Variants in GTF2E2 observed in about 807,000 individuals in gnomAD.
The protein encoded by GTF2E2 is general transcription factor IIE subunit 2, also known as transcription initiation factor IIE subunit beta.
Under a neutral mutation model 40.5 loss-of-function variants are expected in GTF2E2, and 21 were observed. That is an observed-to-expected ratio of 0.52 (90% confidence interval 0.37 to 0.75). The LOEUF is 0.75. Ranked by LOEUF, GTF2E2 falls within the 30% of genes least tolerant of loss-of-function variation. The pLI is 0.00. For synonymous variants in GTF2E2, 117 were observed against 121.6 expected, an observed-to-expected ratio of 0.96 and a Z score of 0.25; for missense variants, 298 against 338.4, an observed-to-expected ratio of 0.88 and a Z score of 0.94.
At chr8:30,589,143 G>C (rs1828766289) in intron 6 of GTF2E2, among the ~76,000 whole-genome samples, 1 of 152,132 alleles carries the variant, frequency 6.6e-6, no homozygotes, top group African/African-American at 2.4e-5. Flanking sequence ...TGTAATCACA[G>C]CTACTCAGGA....
intron 3 of GTF2E2, among the ~76,000 whole-genome samples, chr8:30,620,682 G>C (rs1265582705): frequency 7.1e-6 from 1 of 140,816 alleles, no homozygotes; most frequent in Non-Finnish European, 1.5e-5. Flanking sequence ...CCCAGCACTT[G>C]GGGAGGCTGA....
At chr8:30,648,738 G>A (rs952695804) in intron 2 of GTF2E2, among the ~76,000 whole-genome samples, 2 of 152,204 alleles carry the variant, frequency 1.3e-5, no homozygotes, top group African/African-American at 2.4e-5. Context: ...CTGCCAGCCT[G>A]GGTCCTTGAG....
intron 5 of GTF2E2, among the ~76,000 whole-genome samples, chr8:30,612,001 A>G (rs1046665194): frequency 1.9e-4 from 29 of 152,222 alleles, no homozygotes; most frequent in Admixed American, 1.5e-3. Context: ...CTTATTTACA[A>G]ACAGAGCTTA....
intron 3 of GTF2E2, 66 bp from the exon 4 acceptor site, chr8:30,614,781 A>G: frequency 1.2e-6 from 1 of 837,496 alleles, no homozygotes; most frequent in Non-Finnish European, 2.0e-6. Context: ...AATCATAGTT[A>G]CATGTAAACA....
At chr8:30,590,528 A>G (rs1828815572) in intron 6 of GTF2E2, among the ~76,000 whole-genome samples, 1 of 152,192 alleles carries the variant, frequency 6.6e-6, no homozygotes, top group Non-Finnish European at 1.5e-5. Context: ...CCCACGTCTC[A>G]CACCATAAAC....
chr8:30,616,815 AAAGT>A (rs1800932461), intron 3 of GTF2E2, among the ~76,000 whole-genome samples: 1 of 152,186 alleles, frequency 6.6e-6, no homozygotes, highest in Non-Finnish European at 1.5e-5. Flanking sequence ...TCTAAAAAAA[AAAGT>A]GTTTTTTAAA....
intron 2 of GTF2E2, chr8:30,645,499 T>C (rs1417768590): frequency 2.0e-5 from 30 of 1,535,674 alleles, no homozygotes; most frequent in Non-Finnish European, 2.6e-5. Context: ...CTGCTGCTGC[T>C]GTGTAAAAAA....
chr8:30,619,055 G>A (rs1292005034), intron 3 of GTF2E2, among the ~76,000 whole-genome samples: 7 of 152,094 alleles, frequency 4.6e-5, no homozygotes, highest in Non-Finnish European at 1.0e-4. Context: ...TGATCCTCCT[G>A]CCTCAGCCTC....
chr8:30,646,979 CAAA>C (rs56762565), intron 2 of GTF2E2, among the ~76,000 whole-genome samples: 8 of 51,208 alleles, frequency 1.6e-4, no homozygotes, highest in East Asian at 4.5e-4. Flanking sequence ...GACTCCGTCT[CAAA>C]AAAAAAAAAA....
chr8:30,637,154 T>G (rs569642362), intron 2 of GTF2E2: 2 of 451,642 alleles, frequency 4.4e-6, no homozygotes, highest in Admixed American at 4.8e-5. Flanking sequence ...TTACACAGAT[T>G]ATTCCATCTG....
rs531043809 is a variant in GTF2E2 at position 30,604,811 on chromosome 8, C to T, written c.643+2246G>A. On this transcript the variant is annotated intron_variant, in intron 6 of 7. Transcript: ENST00000355904. ...AAAATTCTCATTTTACCCCTATAAGCTATGCAATAAGGAAATAGAAAAGAG... is the reference window on the plus strand; with the variant it reads ...AAAATTCTCATTTTACCCCTATAAGTTATGCAATAAGGAAATAGAAAAGAG... 2.0e-5 allele frequency among the ~76,000 whole-genome samples: 3 copies of T among 152,094 alleles called. No individual in the cohort carries two copies. The South Asian group carries it at 6.2e-4, about 32-fold the overall frequency.
At position 30,658,190 on chromosome 8, in the gene GTF2E2, C is replaced by A. The variant is rs1365041964; in HGVS notation, c.-222G>T. ...GGCGGTAGCTGAGGCGGCGACTGGA[C>A]CCGGGACTCCGCCCGCCACTTCCCG... On this transcript the variant is annotated 5_prime_UTR_variant, in exon 1 of 8. Coordinates refer to ENST00000355904, the MANE Select transcript of GTF2E2 (RefSeq NM_002095.6). 2 of 188,690 alleles carry A rather than the reference C, an allele frequency of 1.1e-5. No homozygotes were observed. The highest frequency in any genetic ancestry group is 1.1e-5 in the Non-Finnish European group (1 of 92,944). The allele number at this position is 188,690 out of a possible 1,614,324, so 11.7% of individuals were successfully genotyped here. A position where few individuals can be genotyped will look rare whatever the true frequency, so the allele number is the denominator to read the frequency against.
intron 3 of GTF2E2, among the ~76,000 whole-genome samples, chr8:30,624,916 G>T (rs1459723501): frequency 1.3e-5 from 2 of 151,934 alleles, no homozygotes; most frequent in South Asian, 4.2e-4. Context: ...GGGCTGAGAT[G>T]ATGGGGTTTT....
chr8:30,591,379 G>A, intron 6 of GTF2E2, among the ~76,000 whole-genome samples: 1 of 152,088 alleles, frequency 6.6e-6, no homozygotes. Context: ...AGCTACTCAG[G>A]AGGCTGAGAA....
At chr8:30,617,414 C>T (rs1800953618) in intron 3 of GTF2E2, among the ~76,000 whole-genome samples, 1 of 152,034 alleles carries the variant, frequency 6.6e-6, no homozygotes, top group African/African-American at 2.4e-5. Flanking sequence ...AGAAGAGCTC[C>T]CAATAGAGGG....
chr8:30,631,301 G>A (rs1380683646), intron 3 of GTF2E2, among the ~76,000 whole-genome samples: 2 of 152,190 alleles, frequency 1.3e-5, no homozygotes, highest in Admixed American at 1.3e-4. Flanking sequence ...ACAGGTGTGA[G>A]CCACTGTGCT....
chr8:30,631,493 A>G (rs933873423), intron 3 of GTF2E2, among the ~76,000 whole-genome samples: 1 of 152,228 alleles, frequency 6.6e-6, no homozygotes, highest in African/African-American at 2.4e-5. Context: ...TAAAAGCTGT[A>G]TAGAAATTAC....
chr8:30,631,613 T>A (rs2151144979), intron 3 of GTF2E2, among the ~76,000 whole-genome samples: 1 of 152,352 alleles, frequency 6.6e-6, no homozygotes, highest in East Asian at 1.9e-4. Context: ...TTTTCAACAG[T>A]TTAATATTTC....
At position 30,635,117 on chromosome 8, in the gene GTF2E2, C is replaced by T. The variant is rs758609060; in HGVS notation, c.173G>A (p.Ser58Asn). Residue 58 changes from serine to asparagine, a missense_variant, in exon 3 of 8, where the codon AGC becomes AAC. Transcript: ENST00000355904. Reference sequence around the variant, plus strand: ...AGCTTTCAAGTTAAATGATCCATTGCTATGATCTGCAAATGAAGTTCAAAA... The same window carrying T: ...AGCTTTCAAGTTAAATGATCCATTGTTATGATCTGCAAATGAAGTTCAAAA... ...SSGSKQNSDH[S>N]NGSFNLKALS... The T allele has an allele frequency of 1.8e-5, 28 of 1,575,976 alleles. No individual in the cohort carries two copies. Among genetic ancestry groups the T allele is most frequent in the Non-Finnish European group, 2.3e-5 (26 of 1,147,356 alleles).
Sources: allele counts gnomAD v4.1 joint callset (sites outside exome capture counted in the v4.1 genomes callset), GRCh38; gene constraint gnomAD v4.1.1; transcripts MANE v1.5; gene names NCBI Gene and HGNC (gene_info 2026-07-23, HGNC 2026-07-21).